CSMD2: variants seen among roughly 807,000 people sequenced by gnomAD.
The protein encoded by CSMD2 is CUB and sushi domain-containing protein 2.
In CSMD2, 130 loss-of-function variants were observed where a neutral mutation model predicts 398.5. The ratio of observed to expected loss-of-function variants is 0.33; its 90% CI spans 0.28 to 0.38. The LOEUF (loss-of-function observed/expected upper bound fraction) is 0.38, where lower values mean the gene tolerates loss of function less well. Ranked by LOEUF, CSMD2 falls within the 10% of genes least tolerant of loss-of-function variation. The pLI, the probability that CSMD2 is intolerant of heterozygous loss-of-function variation, is 1.00. For synonymous variants in CSMD2, 1,828 were observed against 1,908.5 expected (o/e 0.96, Z 1.10); for missense variants, 3,829 against 4,764.9 (o/e 0.80, Z 5.78).
chr1:33,727,808 G>A (rs568925614), intron 15 of CSMD2, among the ~76,000 whole-genome samples: 2 of 152,140 alleles, frequency 1.3e-5, no homozygotes, highest in East Asian at 3.9e-4. Context: ...TTTGGAGGTT[G>A]TAAGTTAACA....
At chr1:34,027,532 A>C (rs1649807813) in intron 3 of CSMD2, among the ~76,000 whole-genome samples, 1 of 152,232 alleles carries the variant, frequency 6.6e-6, no homozygotes, top group Non-Finnish European at 1.5e-5. Flanking sequence ...TATTCTAAGA[A>C]GATAATTAGA....
At chr1:34,128,348 T>C (rs924509359) in intron 1 of CSMD2, among the ~76,000 whole-genome samples, 50 of 152,106 alleles carry the variant, frequency 3.3e-4, no homozygotes, top group African/African-American at 1.2e-3. Context: ...TTGGTAGAAT[T>C]TGTGGGAATC....
Position 33,519,994 on chromosome 1 carries a change from C to A in CSMD2, c.10598-44G>T. 1 of 1,608,952 alleles carries A rather than the reference C, an allele frequency of 6.2e-7. No individual in the cohort carries two copies. The highest frequency in any genetic ancestry group is 1.1e-5 in the South Asian group (1 of 90,670). On this transcript the variant is annotated intron_variant, in intron 68 of 70. Transcript: ENST00000373381. The surrounding 1 kb of genome is among the most constrained non-coding windows in gnomAD (Gnocchi z 5.6). Reference sequence around the variant, plus strand: ...GAAAAGTCAAGTCACGAGACACAGTCTGAGGCTCCGTTGGCTACCCTCCCC... The same window carrying A: ...GAAAAGTCAAGTCACGAGACACAGTATGAGGCTCCGTTGGCTACCCTCCCC...
chr1:34,009,661 G>A (rs1647182803), intron 3 of CSMD2, among the ~76,000 whole-genome samples: 1 of 151,990 alleles, frequency 6.6e-6, no homozygotes, highest in Non-Finnish European at 1.5e-5. Flanking sequence ...CCTCCTGGAG[G>A]GTTAACTAGC....
At chr1:33,808,998 A>C (rs1286487731) in intron 10 of CSMD2, among the ~76,000 whole-genome samples, 2 of 151,490 alleles carry the variant, frequency 1.3e-5, no homozygotes, top group Non-Finnish European at 3.0e-5. Flanking sequence ...ACAGATGACC[A>C]AAATAATTCT....
Position 33,635,441 on chromosome 1 carries a change from G to A in CSMD2, c.4970-111C>T. ...CTGGCCCCAGTAGGGCTGCCCTGAG[G>A]TGGGCAGGCCCTAGCTTGGAGAAGG... On this transcript the variant is annotated intron_variant, in intron 30 of 70. Coordinates refer to ENST00000373381, the MANE Select transcript of CSMD2 (RefSeq NM_001281956.2). The surrounding 1 kb of genome is among the most constrained non-coding windows in gnomAD (Gnocchi z 5.0). The A allele has an allele frequency of 1.5e-6, 1 of 649,994 alleles. No homozygotes were observed. Among genetic ancestry groups the A allele is most frequent in the Non-Finnish European group, 2.7e-6 (1 of 371,846 alleles). The allele number at this position is 649,994 out of a possible 1,614,324, so 40.3% of individuals were successfully genotyped here.
Position 33,623,459 on chromosome 1 carries a change from A to G in CSMD2, c.5633T>C (p.Val1878Ala). 1 of 1,613,880 alleles carries G rather than the reference A, an allele frequency of 6.2e-7. No individual in the cohort carries two copies. The highest frequency in any genetic ancestry group is 8.5e-7 in the Non-Finnish European group (1 of 1,179,802). The change falls in exon 36 of 71, where the codon GTT becomes GCT. Residue 1878 changes from valine (V) to alanine (A), a missense_variant. By Grantham distance (64) the Val-to-Ala change is moderately conservative. Coordinates refer to ENST00000373381, the MANE Select transcript of CSMD2 (RefSeq NM_001281956.2). ...VPEGAGIQIQ[V>A]VSFVTEQNWD... ...GTTCTGCTCTGTCACAAAACTGACA[A>G]CTTGGATCTGGGAAGGGAGAAGAGT...
intron 3 of CSMD2, among the ~76,000 whole-genome samples, chr1:34,025,725 T>C (rs1649562385): frequency 6.6e-6 from 1 of 152,214 alleles, no homozygotes; most frequent in Non-Finnish European, 1.5e-5. Context: ...ACTAAGTTCC[T>C]GGTTTGGCCT....
intron 1 of CSMD2, among the ~76,000 whole-genome samples, chr1:34,157,102 G>C (rs1190480638): frequency 6.6e-6 from 1 of 152,138 alleles, no homozygotes; most frequent in Non-Finnish European, 1.5e-5. Context: ...TCCTGGTGGT[G>C]GCCACATGGG....
chr1:34,121,360 C>T (rs1462743560), intron 1 of CSMD2, among the ~76,000 whole-genome samples: 3 of 152,176 alleles, frequency 2.0e-5, no homozygotes, highest in Non-Finnish European at 2.9e-5. Flanking sequence ...CAGTCCCTGT[C>T]CCGGGTCTCT....
chr1:33,828,145 CA>C (rs2125023144), intron 6 of CSMD2, among the ~76,000 whole-genome samples: 1 of 152,318 alleles, frequency 6.6e-6, no homozygotes, highest in East Asian at 1.9e-4. Context: ...AACATGCATT[CA>C]AACCGTTTTT....
chr1:33,941,553 T>C (rs1171859313), intron 3 of CSMD2, among the ~76,000 whole-genome samples: 7 of 152,204 alleles, frequency 4.6e-5, no homozygotes. Context: ...CATATGTGTG[T>C]GATCTGGGGG....
At position 33,626,531 on chromosome 1, in the gene CSMD2, C is replaced by T. The variant is rs145571448; in HGVS notation, c.5251G>A (p.Ala1751Thr). The T allele has an allele frequency of 2.5e-4, 402 of 1,609,002 alleles. No homozygotes were observed. Among genetic ancestry groups the T allele is most frequent in the Non-Finnish European group, 3.2e-4 (374 of 1,178,152 alleles). ...CCTCTGGCTGGTGCGAGGCCTTTGG[C>T]GCTGAACTTAATGAGAACTTGATTG... is the stretch of plus-strand genomic sequence containing the variant. ...TSNQVLIKFSAKGLAPARGFH... is the reference protein window; with the variant it reads ...TSNQVLIKFSTKGLAPARGFH... The change falls in exon 33 of 71, where the codon GCC becomes ACC. Residue 1751 changes from alanine (A) to threonine (T), a missense_variant. By Grantham distance (58) the Ala-to-Thr change is moderately conservative (BLOSUM62 0). This residue lies in a region of CSMD2 where 2,001 missense variants were observed against 2,567.1 expected (regional missense o/e 0.78). Coordinates refer to ENST00000373381, the MANE Select transcript of CSMD2 (RefSeq NM_001281956.2).
chr1:33,726,880 T>C (rs1286400970), intron 15 of CSMD2, among the ~76,000 whole-genome samples, 195 bp from the exon 16 acceptor site: 2 of 152,236 alleles, frequency 1.3e-5, no homozygotes, highest in African/African-American at 4.8e-5. Flanking sequence ...GGAGTGTTAT[T>C]AAAGGCCAGA....
At chr1:33,639,372 G>C (rs1471355648) in intron 29 of CSMD2, among the ~76,000 whole-genome samples, 1 of 152,234 alleles carries the variant, frequency 6.6e-6, no homozygotes, top group Non-Finnish European at 1.5e-5. Flanking sequence ...GACTGGCCCA[G>C]AACTTTACAG....
chr1:34,096,216 C>A (rs1659280700), intron 1 of CSMD2, among the ~76,000 whole-genome samples: 1 of 152,026 alleles, frequency 6.6e-6, no homozygotes, highest in Non-Finnish European at 1.5e-5. Flanking sequence ...AACAACCCTT[C>A]ATGCTAAAAA....
chr1:34,077,853 G>A (rs544293346), intron 2 of CSMD2, among the ~76,000 whole-genome samples: 107 of 151,956 alleles, frequency 7.0e-4, no homozygotes, highest in South Asian at 2.9e-3. Flanking sequence ...CTATTTGGGT[G>A]ATGGATACAA....
intron 3 of CSMD2, among the ~76,000 whole-genome samples, chr1:33,949,642 G>C (rs1250306170): frequency 6.6e-6 from 1 of 152,168 alleles, no homozygotes; most frequent in Non-Finnish European, 1.5e-5. Flanking sequence ...ACAACTTCAG[G>C]GATGAGGGGA....
intron 59 of CSMD2, 90 bp downstream of exon 59, chr1:33,541,040 C>T: frequency 7.4e-7 from 1 of 1,344,290 alleles, no homozygotes; most frequent in Non-Finnish European, 1.0e-6. Flanking sequence ...GGCCTTTCAC[C>T]CCTCTCCCTT....
Sources: gnomAD v4.1 joint callset for allele counts (sites outside exome capture counted in the v4.1 genomes callset) on GRCh38, gnomAD v4.1.1 for gene constraint, gnomAD v4.1.1 regional missense constraint, Gnocchi (gnomAD v3.1) non-coding constraint, MANE v1.5 for transcripts, NCBI Gene and HGNC (gene_info 2026-07-23, HGNC 2026-07-21) for gene names.